Variants in HTT-AS observed in about 807,000 individuals in gnomAD.
The protein encoded by HTT-AS is HTT antisense RNA.
At chr4:3,065,143 A>C (rs1712018179) in intron 1 of HTT-AS, among the ~76,000 whole-genome samples, 1 of 152,246 alleles carries the variant, frequency 6.6e-6, no homozygotes, top group Non-Finnish European at 1.5e-5. Flanking sequence ...GCATGATAAA[A>C]TATATTTATC....
chr4:3,055,498 T>C (rs1711790159), intron 2 of HTT-AS, among the ~76,000 whole-genome samples: 1 of 152,192 alleles, frequency 6.6e-6, no homozygotes, highest in South Asian at 2.1e-4. Flanking sequence ...GTAACTAAGC[T>C]AAAAGGTTAG....
At chr4:3,063,115 A>G (rs1425090611) in exon 2 of HTT-AS, among the ~76,000 whole-genome samples, 3 of 152,190 alleles carry the variant, frequency 2.0e-5, no homozygotes, top group Admixed American at 2.0e-4. Context: ...TGTAAGGGTC[A>G]GTTGAAGTAA....
At chr4:3,073,338 GC>G (rs1712241193) in intron 1 of HTT-AS, among the ~76,000 whole-genome samples, 1 of 152,212 alleles carries the variant, frequency 6.6e-6, no homozygotes, top group Admixed American at 6.5e-5. Flanking sequence ...CTCTCCGTTT[GC>G]CCCTCTACCA....
chr4:3,068,259 T>C (rs1025444682), intron 1 of HTT-AS, among the ~76,000 whole-genome samples: 4 of 143,832 alleles, frequency 2.8e-5, no homozygotes, highest in African/African-American at 8.0e-5. Context: ...TGAGCCGAGA[T>C]TGTGCCACTG....
chr4:3,066,209 T>C (rs10222725), intron 1 of HTT-AS, among the ~76,000 whole-genome samples: 3,509 of 152,046 alleles, frequency 0.023, 64 homozygotes, highest in Middle Eastern at 0.048. Flanking sequence ...CTCACTCTGT[T>C]GCCAGGCTGG....
At chr4:3,061,355 C>A (rs1048622262) in intron 2 of HTT-AS, among the ~76,000 whole-genome samples, 2 of 152,180 alleles carry the variant, frequency 1.3e-5, no homozygotes, top group Non-Finnish European at 1.5e-5. Context: ...TTTTGAATCT[C>A]CGATAAGCCT....
chr4:3,068,573 T>C (rs1318180753), intron 1 of HTT-AS, among the ~76,000 whole-genome samples: 1 of 151,330 alleles, frequency 6.6e-6, no homozygotes, highest in Non-Finnish European at 1.5e-5. Context: ...AAATGGAAAA[T>C]TCGGGGGCCA....
At chr4:3,064,103 T>TTG (rs1435700182) in intron 1 of HTT-AS, among the ~76,000 whole-genome samples, 1 of 150,566 alleles carries the variant, frequency 6.6e-6, no homozygotes, top group Non-Finnish European at 1.5e-5. Flanking sequence ...AAAGTTTTTT[T>TTG]TTTTTTTTTT....
chr4:3,057,914 C>T (rs921570830), intron 2 of HTT-AS, among the ~76,000 whole-genome samples: 12 of 152,036 alleles, frequency 7.9e-5, no homozygotes, highest in Admixed American at 6.5e-4. Context: ...TGAGCCACCA[C>T]GCCCTGCTGA....
At chr4:3,071,714 G>A (rs916011513) in intron 1 of HTT-AS, among the ~76,000 whole-genome samples, 1 of 152,126 alleles carries the variant, frequency 6.6e-6, no homozygotes, top group Non-Finnish European at 1.5e-5. Flanking sequence ...AGGAGGTAAG[G>A]AGGCTAAAAT....
At chr4:3,057,735 G>C (rs1463044203) in intron 2 of HTT-AS, among the ~76,000 whole-genome samples, 1 of 151,934 alleles carries the variant, frequency 6.6e-6, no homozygotes, top group Non-Finnish European at 1.5e-5. Flanking sequence ...CCGGGTTCAT[G>C]CCATTCTTCT....
chr4:3,073,048 C>T (rs1393045978), intron 1 of HTT-AS, among the ~76,000 whole-genome samples: 1 of 152,244 alleles, frequency 6.6e-6, no homozygotes. Flanking sequence ...ACATCAGCCT[C>T]CCAAGAACTG....
chr4:3,046,303 G>T (rs1054680439), downstream of HTT-AS, among the ~76,000 whole-genome samples: 4 of 152,236 alleles, frequency 2.6e-5, no homozygotes, highest in Admixed American at 6.5e-5. Context: ...TACAGAAACA[G>T]CTGGGTTGGT....
upstream of HTT-AS, chr4:3,074,607 C>A (rs1262551435): frequency 1.9e-5 from 8 of 429,062 alleles, no homozygotes; most frequent in Admixed American, 4.6e-5. Flanking sequence ...TCATGCTGGC[C>A]GGCGTGGCCC....
chr4:3,059,653 G>C (rs1008732965), intron 2 of HTT-AS, among the ~76,000 whole-genome samples: 15 of 151,840 alleles, frequency 9.9e-5, no homozygotes, highest in African/African-American at 3.4e-4. Flanking sequence ...GCAGTGGCCT[G>C]ATCCCGGCCC....
chr4:3,068,641 ATG>A (rs1712102270), intron 1 of HTT-AS, among the ~76,000 whole-genome samples: 1 of 149,410 alleles, frequency 6.7e-6, no homozygotes, highest in Non-Finnish European at 1.5e-5. Context: ...TGTAACATAT[ATG>A]TGTGTGTAGC....
intron 2 of HTT-AS, among the ~76,000 whole-genome samples, chr4:3,050,034 C>T (rs182332269): frequency 2.0e-5 from 3 of 152,130 alleles, no homozygotes; most frequent in East Asian, 1.9e-4. Flanking sequence ...CAACCTCTGC[C>T]TCCCACACAC....
At chr4:3,057,702 C>A (rs1217143854) in intron 2 of HTT-AS, among the ~76,000 whole-genome samples, 1 of 151,994 alleles carries the variant, frequency 6.6e-6, no homozygotes, top group Non-Finnish European at 1.5e-5. Context: ...GTGGCGATCT[C>A]GGCTCACTGC....
chr4:3,064,096 G>T (rs903688296), intron 1 of HTT-AS, among the ~76,000 whole-genome samples: 5 of 136,038 alleles, frequency 3.7e-5, no homozygotes, highest in Admixed American at 7.7e-5. Flanking sequence ...AAATAATAAA[G>T]TTTTTTTTTT....
Sources: allele counts gnomAD v4.1 joint callset (sites outside exome capture counted in the v4.1 genomes callset), GRCh38; gene constraint gnomAD v4.1.1; transcripts MANE v1.5; gene names NCBI Gene and HGNC (gene_info 2026-07-23, HGNC 2026-07-21).